The following CCDC192 variants were observed in gnomAD, a reference collection of about 807,000 sequenced individuals.
CCDC192 encodes coiled-coil domain-containing protein 192.
intron 6 of CCDC192, among the ~76,000 whole-genome samples, chr5:127,878,243 A>G (rs887909676): frequency 6.6e-6 from 1 of 152,248 alleles, no homozygotes; most frequent in Non-Finnish European, 1.5e-5. Flanking sequence ...GGAAAGTGCA[A>G]GAAAGAACTC....
chr5:127,801,483 C>T (rs977497279), intron 5 of CCDC192, among the ~76,000 whole-genome samples: 5 of 152,134 alleles, frequency 3.3e-5, no homozygotes, highest in Admixed American at 6.5e-5. Flanking sequence ...CCTCACTCCC[C>T]TCTCTCTGCC....
chr5:127,788,714 G>A (rs1042526202), intron 3 of CCDC192, among the ~76,000 whole-genome samples: 3 of 152,082 alleles, frequency 2.0e-5, no homozygotes, highest in Non-Finnish European at 1.5e-5. Context: ...GCTTAATAGT[G>A]TCCTGTAGGC....
intron 2 of CCDC192, among the ~76,000 whole-genome samples, chr5:127,728,042 T>C (rs546460384): frequency 1.3e-5 from 2 of 152,272 alleles, no homozygotes; most frequent in African/African-American, 4.8e-5. Context: ...TATGGGATTA[T>C]GTAAAAGGAC....
At chr5:127,876,268 A>C (rs891013865) in intron 6 of CCDC192, among the ~76,000 whole-genome samples, 8 of 152,110 alleles carry the variant, frequency 5.3e-5, no homozygotes, top group Non-Finnish European at 1.0e-4. Flanking sequence ...AAAAACTCCA[A>C]ATCTCAGACT....
At chr5:127,792,684 T>C (rs1756941741) in intron 3 of CCDC192, among the ~76,000 whole-genome samples, 1 of 150,654 alleles carries the variant, frequency 6.6e-6, no homozygotes, top group South Asian at 2.1e-4. Context: ...CCAGCTTGGG[T>C]GACAGAGCCA....
intron 3 of CCDC192, chr5:127,786,537 TAAATGGTC>T (rs1756548762): frequency 3.1e-6 from 2 of 649,594 alleles, no homozygotes; most frequent in Admixed American, 4.4e-5. Context: ...TTCAGTGGCC[TAAATGGTC>T]TCTCCAAGTC....
chr5:127,786,600 T>A lies in CCDC192; in HGVS notation c.223-10503T>A. On this transcript the variant is annotated intron_variant, in intron 3 of 6. Coordinates refer to ENST00000514853, the MANE Select transcript of CCDC192 (RefSeq NM_001317938.2). ...TTTCACATATTCCTTTCGTCCTTTGTCACATTCACGGTGAACCCAGTGTCT... is the reference window on the plus strand; with the variant it reads ...TTTCACATATTCCTTTCGTCCTTTGACACATTCACGGTGAACCCAGTGTCT... 3 of 736,982 alleles carry A rather than the reference T, an allele frequency of 4.1e-6. No individual in the cohort carries two copies. In the Admixed American group the frequency reaches 5.4e-5, roughly 13 times the overall value. The allele number at this position is 736,982 out of a possible 1,614,324, so 45.7% of individuals were successfully genotyped here.
rs907570261 is a variant in CCDC192 at position 127,788,389 on chromosome 5, A to C, written c.223-8714A>C. On this transcript the variant is annotated intron_variant, in intron 3 of 6. Transcript: ENST00000514853. ...ATGCAACATCTTTTTTCATTCTTTT[A>C]CTTCCAACCTATTTGTTTCTTTGAG... Among the ~76,000 whole-genome samples the C allele has an allele frequency of 3.9e-5, 6 of 152,162 alleles. No individual in the cohort carries two copies. In the East Asian group the frequency reaches 1.2e-3, roughly 29 times the overall value.
intron 5 of CCDC192, among the ~76,000 whole-genome samples, chr5:127,841,877 T>G (rs1750306494): frequency 6.6e-6 from 1 of 152,112 alleles, no homozygotes; most frequent in South Asian, 2.1e-4. Context: ...CCAGGCAGGT[T>G]GTGTAAATGA....
intron 2 of CCDC192, among the ~76,000 whole-genome samples, chr5:127,745,907 G>A (rs191187929): frequency 5.5e-4 from 83 of 152,278 alleles, no homozygotes; most frequent in African/African-American, 2.0e-3. Context: ...GCAAAACTGG[G>A]ACAACAACTG....
rs904398275 is a variant in CCDC192, at chr5:127,737,980, T to C, written c.115-16288T>C. Reference sequence around the variant, plus strand: ...GAATTTGATCCTGTCATTATGATGTTAGCTGGTTATTTTGCTCGTTAGTTG... The same window carrying C: ...GAATTTGATCCTGTCATTATGATGTCAGCTGGTTATTTTGCTCGTTAGTTG... On this transcript the variant is annotated intron_variant, in intron 2 of 6. Transcript: ENST00000514853. 2.6e-5 allele frequency among the ~76,000 whole-genome samples: 4 copies of C among 152,062 alleles called. No individual in the cohort carries two copies. The East Asian group carries it at 5.8e-4, about 22-fold the overall frequency.
chr5:127,835,620 TG>T (rs1157851159), intron 5 of CCDC192, among the ~76,000 whole-genome samples: 1 of 152,166 alleles, frequency 6.6e-6, no homozygotes, highest in Non-Finnish European at 1.5e-5. Flanking sequence ...TCTGCATGGC[TG>T]GGGAGGCCTC....
chr5:127,808,034 C>G (rs1031760880), intron 5 of CCDC192, among the ~76,000 whole-genome samples: 28 of 152,108 alleles, frequency 1.8e-4, no homozygotes, highest in African/African-American at 6.8e-4. Context: ...TTATTGAGGA[C>G]ATTTATTATT....
intron 6 of CCDC192, among the ~76,000 whole-genome samples, chr5:127,897,021 G>A (rs571777088): frequency 1.3e-5 from 2 of 151,476 alleles, no homozygotes; most frequent in Non-Finnish European, 2.9e-5. Flanking sequence ...GCTTAAAACT[G>A]CAGGTCAACT....
chr5:127,905,468 T>A (rs1403436803), intron 6 of CCDC192, among the ~76,000 whole-genome samples: 1 of 152,258 alleles, frequency 6.6e-6, no homozygotes, highest in African/African-American at 2.4e-5. Context: ...TTTTGCATTT[T>A]ATTAAAAAGT....
intron 5 of CCDC192, among the ~76,000 whole-genome samples, chr5:127,809,148 T>G (rs547001689): frequency 6.6e-6 from 1 of 152,308 alleles, no homozygotes; most frequent in Non-Finnish European, 1.5e-5. Flanking sequence ...AAATATTAAC[T>G]ATAATGTTTA....
chr5:127,823,122 A>T (rs902312883), intron 5 of CCDC192, among the ~76,000 whole-genome samples: 1 of 152,170 alleles, frequency 6.6e-6, no homozygotes, highest in South Asian at 2.1e-4. Flanking sequence ...AGCATCTCTC[A>T]TGGGGTTTTA....
intron 6 of CCDC192, among the ~76,000 whole-genome samples, chr5:127,883,623 GCAT>G (rs1200156325): frequency 6.6e-5 from 10 of 152,228 alleles, no homozygotes; most frequent in African/African-American, 2.4e-4. Flanking sequence ...GCAAGGATAA[GCAT>G]CTGTTTCAGG....
intron 3 of CCDC192, among the ~76,000 whole-genome samples, chr5:127,769,413 ATGTGTGTGTGTG>A (rs140726654): frequency 6.8e-6 from 1 of 146,218 alleles, no homozygotes; most frequent in Non-Finnish European, 1.5e-5. Context: ...TTTTGTGTGT[ATGTGTGTGTGTG>A]TGTGTGTGTG....
Sources: allele counts gnomAD v4.1 joint callset (sites outside exome capture counted in the v4.1 genomes callset), GRCh38; gene constraint gnomAD v4.1.1; transcripts MANE v1.5; gene names NCBI Gene and HGNC (gene_info 2026-07-23, HGNC 2026-07-21).